Variants in RP1 observed in about 807,000 individuals in gnomAD.
The protein encoded by RP1 is oxygen-regulated protein 1.
A neutral mutation model predicts 14.8 loss-of-function variants in RP1; 16 were observed. The ratio of observed to expected loss-of-function variants is 1.08; its 90% CI spans 0.73 to 1.65. The LOEUF (loss-of-function observed/expected upper bound fraction) is 1.65, where lower values mean the gene tolerates loss of function less well. Ranked by LOEUF, RP1 falls within the 40% of genes most tolerant of loss-of-function variation. RP1 has a pLI of 0.00. For missense variants in RP1, 2,631 were observed against 2,535.0 expected, an observed-to-expected ratio of 1.04 and a Z score of -0.81; for synonymous variants, 876 against 883.6, an observed-to-expected ratio of 0.99 and a Z score of 0.15.
At chr8:54,689,293 A>G (rs1807648926) in intron 12 of RP1, among the ~76,000 whole-genome samples, 1 of 152,100 alleles carries the variant, frequency 6.6e-6, no homozygotes, top group African/African-American at 2.4e-5. Context: ...TCCTAATTGA[A>G]TACCCTTTAT....
At chr8:54,653,592 T>A (rs528000952) in intron 5 of RP1, among the ~76,000 whole-genome samples, 1 of 152,310 alleles carries the variant, frequency 6.6e-6, no homozygotes, top group South Asian at 2.1e-4. Context: ...GATGAGTAAT[T>A]CCTTAAAAAC....
chr8:54,663,877 A>G (rs1806953048), intron 7 of RP1: 2 of 1,502,476 alleles, frequency 1.3e-6, no homozygotes, highest in Admixed American at 2.3e-5. Context: ...TTGATTTTAA[A>G]AAGATTAATC....
chr8:54,783,739 G>A, intron 24 of RP1: 1 of 1,207,954 alleles, frequency 8.3e-7, no homozygotes, highest in Non-Finnish European at 1.0e-6. Flanking sequence ...TAACTTGTTT[G>A]CTAAGATATA....
chr8:54,561,390 G>A (rs1804283401), intron 1 of RP1, among the ~76,000 whole-genome samples: 2 of 152,154 alleles, frequency 1.3e-5, no homozygotes, highest in African/African-American at 4.8e-5. Context: ...CGACTCCACA[G>A]CAATAGGTGT....
chr8:54,666,707 G>A (rs1405854356), intron 7 of RP1, among the ~76,000 whole-genome samples: 1 of 152,014 alleles, frequency 6.6e-6, no homozygotes, highest in Non-Finnish European at 1.5e-5. Context: ...ATTGTGTGCA[G>A]TCAGACCTCT....
At chr8:54,718,487 T>C (rs1808458934) in intron 15 of RP1, among the ~76,000 whole-genome samples, 1 of 152,174 alleles carries the variant, frequency 6.6e-6, no homozygotes, top group Non-Finnish European at 1.5e-5. Flanking sequence ...TTTCAACAAA[T>C]GGTACTGGAA....
At chr8:54,700,601 A>G (rs1807990938) in intron 13 of RP1, among the ~76,000 whole-genome samples, 1 of 152,136 alleles carries the variant, frequency 6.6e-6, no homozygotes, top group African/African-American at 2.4e-5. Context: ...TGGATATGGA[A>G]TCTACTCCAT....
Position 54,628,057 on chromosome 8 carries a change from A to G in RP1, c.4175A>G (p.Asn1392Ser), listed in dbSNP as rs780518944. 9 of 1,614,094 alleles carry G rather than the reference A, an allele frequency of 5.6e-6. No homozygotes were observed. In the Admixed American group the frequency reaches 1.5e-4, roughly 27 times the overall value. Residue 1392 changes from asparagine (N) to serine (S), a missense_variant, in exon 4 of 4, where the codon AAT (asparagine) becomes AGT (serine). Physicochemically the swap from Asn to Ser is conservative, Grantham distance 46 (BLOSUM62 1). Transcript: ENST00000220676. ...TTTAATACATTGGTGTCACATCAAA[A>G]TGTCAGTAATTTAAGCTCCTGTGGC... ...NGFNTLVSHQNVSNLSSCGLC... is the reference protein window; with the variant it reads ...NGFNTLVSHQSVSNLSSCGLC...
intron 24 of RP1, among the ~76,000 whole-genome samples, chr8:54,802,040 G>T (rs929626065): frequency 6.6e-6 from 1 of 152,036 alleles, no homozygotes; most frequent in African/African-American, 2.4e-5. Flanking sequence ...TAGAATTGTA[G>T]TCACTAAAGA....
At chr8:54,762,712 T>A (rs1048070399) in intron 22 of RP1, among the ~76,000 whole-genome samples, 4 of 152,186 alleles carry the variant, frequency 2.6e-5, no homozygotes, top group African/African-American at 9.7e-5. Context: ...CTGAAATATA[T>A]CCTTTTGCAG....
chr8:54,832,973 C>T (rs1811568470), intron 24 of RP1, among the ~76,000 whole-genome samples: 1 of 151,978 alleles, frequency 6.6e-6, no homozygotes, highest in African/African-American at 2.4e-5. Context: ...TCTAAAGTCA[C>T]TTGTGGTAAG....
chr8:54,866,917 T>C (rs943945566), intron 28 of RP1, among the ~76,000 whole-genome samples: 34 of 152,228 alleles, frequency 2.2e-4, no homozygotes, highest in African/African-American at 8.2e-4. Context: ...CCATTTAATA[T>C]GTTAATTTAT....
chr8:54,787,153 T>C (rs1810338904), intron 24 of RP1, among the ~76,000 whole-genome samples: 1 of 152,094 alleles, frequency 6.6e-6, no homozygotes, highest in East Asian at 1.9e-4. Context: ...CTATAGACTA[T>C]AGAGTTCAGC....
At chr8:54,826,642 G>T (rs1811390859) in intron 24 of RP1, among the ~76,000 whole-genome samples, 1 of 152,168 alleles carries the variant, frequency 6.6e-6, no homozygotes, top group Non-Finnish European at 1.5e-5. Flanking sequence ...AGTCTCCAAT[G>T]TAATGTATAT....
At chr8:54,706,853 G>C (rs1349834484) in intron 15 of RP1, among the ~76,000 whole-genome samples, 1 of 152,074 alleles carries the variant, frequency 6.6e-6, no homozygotes, top group East Asian at 1.9e-4. Flanking sequence ...CTCTAGATAG[G>C]GCCTCTGAAA....
intron 12 of RP1, among the ~76,000 whole-genome samples, chr8:54,690,934 A>G (rs1807695596): frequency 6.6e-6 from 1 of 152,088 alleles, no homozygotes; most frequent in Non-Finnish European, 1.5e-5. Context: ...GCAGTCTGCT[A>G]GGAACCCAAA....
At chr8:54,792,892 A>G (rs181148454) in intron 24 of RP1, among the ~76,000 whole-genome samples, 1 of 152,024 alleles carries the variant, frequency 6.6e-6, no homozygotes, top group East Asian at 1.9e-4. Flanking sequence ...GAAAAGATCA[A>G]TAAAACCAAA....
Position 54,622,243 on chromosome 8 carries a change from C to T in RP1, c.742C>T (p.Gln248Ter), listed in dbSNP as rs769156393. The T allele has an allele frequency of 1.1e-5, 17 of 1,614,078 alleles. No individual in the cohort carries two copies. The highest frequency in any genetic ancestry group is 1.4e-5 in the Non-Finnish European group (17 of 1,180,000). Residue 248 changes from glutamine (Q) to a stop codon, truncating the protein, a stop_gained, in exon 3 of 4, where the codon CAG becomes TAG. Transcript: ENST00000220676. LOFTEE classifies it low-confidence loss of function (END_TRUNC). ...TCCTGCTAGATTACCAGGGATCTCT[C>T]AGCGTGTGTACCCCAAGGGAAATGC... is the stretch of plus-strand genomic sequence containing the variant. ...LLPARLPGIS[Q>*]RVYPKGNAKS...
chr8:54,755,945 A>T (rs1220575129), intron 21 of RP1, among the ~76,000 whole-genome samples: 1 of 152,332 alleles, frequency 6.6e-6, no homozygotes, highest in Middle Eastern at 3.4e-3. Context: ...TGTTCTTGCA[A>T]GAAAAATGGG....
Sources: gnomAD v4.1 joint callset for allele counts (sites outside exome capture counted in the v4.1 genomes callset) on GRCh38, gnomAD v4.1.1 for gene constraint, MANE v1.5 for transcripts, NCBI Gene and HGNC (gene_info 2026-07-23, HGNC 2026-07-21) for gene names.